RHBDD1: variants seen among roughly 807,000 people sequenced by gnomAD.
The protein encoded by RHBDD1 is rhomboid domain containing 1, also known as rhomboid-related protein 4.
RHBDD1 carries 38 observed loss-of-function variants against 36.3 expected under a neutral mutation model. That is an observed-to-expected ratio of 1.05 (90% CI 0.81 to 1.37). The LOEUF (loss-of-function observed/expected upper bound fraction) is 1.37, where lower values mean the gene tolerates loss of function less well. RHBDD1 is among the 40% of genes most tolerant of loss of function. The pLI is 0.00. For missense variants in RHBDD1, 393 were observed against 377.6 expected, an observed-to-expected ratio of 1.04 and a Z score of -0.34; for synonymous variants, 151 against 136.5, an observed-to-expected ratio of 1.11 and a Z score of -0.74.
At chr2:226,895,480 A>G (rs1270066478) in intron 5 of RHBDD1, among the ~76,000 whole-genome samples, 1 of 152,066 alleles carries the variant, frequency 6.6e-6, no homozygotes, top group Non-Finnish European at 1.5e-5. Flanking sequence ...AGGGTAGGGA[A>G]CTCTAGGATG....
chr2:226,944,551 T>C (rs1163261580), intron 8 of RHBDD1, among the ~76,000 whole-genome samples: 1 of 152,168 alleles, frequency 6.6e-6, no homozygotes, highest in Non-Finnish European at 1.5e-5. Flanking sequence ...CTGTTTGCAG[T>C]TACACGAATA....
chr2:226,881,749 A>C (rs563530445), intron 5 of RHBDD1, among the ~76,000 whole-genome samples: 3 of 152,192 alleles, frequency 2.0e-5, no homozygotes, highest in African/African-American at 7.2e-5. Flanking sequence ...AATATTTTCT[A>C]TAAGTTTTTT....
At chr2:226,987,788 C>A (rs1353376461) in intron 8 of RHBDD1, among the ~76,000 whole-genome samples, 1 of 152,228 alleles carries the variant, frequency 6.6e-6, no homozygotes, top group African/African-American at 2.4e-5. Context: ...TTATCTGCAA[C>A]AGAGTCATCT....
the RHBDD1 span, among the ~76,000 whole-genome samples, chr2:226,830,044 G>A: frequency 6.6e-6 from 1 of 151,534 alleles, no homozygotes; most frequent in Non-Finnish European, 1.5e-5. Flanking sequence ...CCTACTTCCC[G>A]GAGAGCTTTT....
chr2:226,838,410 A>G (rs1301599897), intron 2 of RHBDD1, among the ~76,000 whole-genome samples: 1 of 152,132 alleles, frequency 6.6e-6, no homozygotes, highest in African/African-American at 2.4e-5. Flanking sequence ...CTGTGGTTTT[A>G]GGTCAGACAA....
At chr2:226,911,541 C>CT (rs869309466) in intron 7 of RHBDD1, among the ~76,000 whole-genome samples, 8,107 of 71,364 alleles carry the variant, frequency 0.11, 870 homozygotes, top group African/African-American at 0.29. Context: ...TGTGAAAGTT[C>CT]TTTTTTTTTT....
chr2:226,838,075 G>T lies in RHBDD1; in HGVS notation c.-389G>T, dbSNP rs891981078. On this transcript the variant is annotated splice_region_variant and 5_prime_UTR_variant, in exon 2 of 9. Coordinates refer to ENST00000392062, the MANE Select transcript of RHBDD1 (RefSeq NM_001167608.3). ...TCTTACAACTTTATCTCTTTCAGGG[G>T]TCCATTGTAGGGGGAGAAAGAAATA... 1.3e-5 allele frequency: 2 copies of T among 152,142 alleles called. No individual in the cohort carries two copies. Among genetic ancestry groups the T allele is most frequent in the African/African-American group, 4.8e-5 (2 of 41,400 alleles). The allele number at this position is 152,142 out of a possible 1,614,324, so 9.4% of individuals were successfully genotyped here.
At chr2:226,947,702 A>G (rs1438269970) in intron 8 of RHBDD1, among the ~76,000 whole-genome samples, 3 of 152,204 alleles carry the variant, frequency 2.0e-5, no homozygotes, top group South Asian at 2.1e-4. Flanking sequence ...AGAATCTACA[A>G]TGAACTCAAA....
chr2:226,820,661 A>G, the RHBDD1 span, among the ~76,000 whole-genome samples: 18 of 150,794 alleles, frequency 1.2e-4, no homozygotes, highest in African/African-American at 2.9e-4. Context: ...AAAAAAAAAA[A>G]AAAAAAAAGA....
intron 8 of RHBDD1, among the ~76,000 whole-genome samples, chr2:226,982,202 T>G (rs1441179357): frequency 6.6e-6 from 1 of 152,248 alleles, no homozygotes; most frequent in Non-Finnish European, 1.5e-5. Context: ...TTGGTTACCT[T>G]TGATACCAGC....
intron 3 of RHBDD1, among the ~76,000 whole-genome samples, chr2:226,846,188 A>G (rs569097969): frequency 6.6e-6 from 1 of 152,370 alleles, no homozygotes; most frequent in East Asian, 1.9e-4. Flanking sequence ...TGGAATAACT[A>G]TAATCAGACT....
chr2:226,890,577 GA>G (rs1946598068), intron 5 of RHBDD1, among the ~76,000 whole-genome samples: 1 of 152,138 alleles, frequency 6.6e-6, no homozygotes, highest in South Asian at 2.1e-4. Flanking sequence ...AGGCCTGCTG[GA>G]TTCTATAATG....
chr2:226,942,041 C>G (rs1950696079), intron 8 of RHBDD1, among the ~76,000 whole-genome samples: 1 of 152,080 alleles, frequency 6.6e-6, no homozygotes, highest in African/African-American at 2.4e-5. Flanking sequence ...GTCTCTATTC[C>G]TAGTTGGGAC....
chr2:226,818,412 C>T, the RHBDD1 span, among the ~76,000 whole-genome samples: 2 of 151,174 alleles, frequency 1.3e-5, no homozygotes, highest in South Asian at 4.2e-4. Flanking sequence ...GTGATCTGCT[C>T]ACCTCGGCCT....
intron 5 of RHBDD1, among the ~76,000 whole-genome samples, chr2:226,882,430 CAAAAAA>C (rs58149634): frequency 8.8e-5 from 5 of 57,106 alleles, no homozygotes; most frequent in South Asian, 1.5e-3. Context: ...GACTTTGCCT[CAAAAAA>C]AAAAAAAAAA....
intron 5 of RHBDD1, among the ~76,000 whole-genome samples, chr2:226,904,105 A>G (rs1163381129): frequency 6.6e-6 from 1 of 152,182 alleles, no homozygotes; most frequent in Non-Finnish European, 1.5e-5. Context: ...ATGCCAGAGA[A>G]GAAACAGGGA....
chr2:226,914,107 A>T, intron 7 of RHBDD1, 101 bp from the exon 8 acceptor site: 1 of 1,032,692 alleles, frequency 9.7e-7, no homozygotes, highest in Non-Finnish European at 1.4e-6. Context: ...TATACCTAAA[A>T]TAATGTTATG....
intron 8 of RHBDD1, among the ~76,000 whole-genome samples, chr2:226,939,711 A>G (rs890690688): frequency 3.3e-5 from 5 of 152,342 alleles, no homozygotes; most frequent in South Asian, 2.1e-4. Context: ...TATAGATTCA[A>G]TGCTAGTCCC....
the RHBDD1 span, among the ~76,000 whole-genome samples, chr2:226,825,140 T>C: frequency 1.3e-5 from 2 of 152,176 alleles, no homozygotes; most frequent in Non-Finnish European, 2.9e-5. Flanking sequence ...ACTCATGAAA[T>C]ATTTTGCCAG....
Sources: allele counts gnomAD v4.1 joint callset (sites outside exome capture counted in the v4.1 genomes callset), GRCh38; gene constraint gnomAD v4.1.1; transcripts MANE v1.5; gene names NCBI Gene and HGNC (gene_info 2026-07-23, HGNC 2026-07-21).